The following AKAP19 variants were observed in gnomAD, a reference collection of about 807,000 sequenced individuals.
AKAP19 encodes small A-kinase anchoring protein.
chr2:189,979,451 T>C, the AKAP19 span, among the ~76,000 whole-genome samples: 1 of 152,132 alleles, frequency 6.6e-6, no homozygotes, highest in Non-Finnish European at 1.5e-5. Flanking sequence ...AAAACTTAAA[T>C]ATAAGACCTC....
the AKAP19 span, among the ~76,000 whole-genome samples, chr2:189,933,392 T>C: frequency 1.3e-5 from 2 of 151,964 alleles, no homozygotes; most frequent in African/African-American, 4.8e-5. Context: ...AAATGAATAA[T>C]ACCCAAGGAA....
At chr2:189,977,342 T>G in the AKAP19 span, among the ~76,000 whole-genome samples, 2 of 152,232 alleles carry the variant, frequency 1.3e-5, no homozygotes, top group African/African-American at 4.8e-5. Flanking sequence ...TTACTTTTTT[T>G]CTTTTTCATC....
the AKAP19 span, among the ~76,000 whole-genome samples, chr2:190,107,330 T>C: frequency 6.6e-6 from 1 of 152,120 alleles, no homozygotes; most frequent in Non-Finnish European, 1.5e-5. Flanking sequence ...AGATAATAAA[T>C]TTAAAAAGAA....
chr2:189,944,118 G>A, the AKAP19 span, among the ~76,000 whole-genome samples: 2 of 152,180 alleles, frequency 1.3e-5, no homozygotes, highest in African/African-American at 2.4e-5. Flanking sequence ...AGATTTGGGA[G>A]AGGCCGGGGC....
At chr2:189,959,464 A>G in the AKAP19 span, among the ~76,000 whole-genome samples, 3 of 152,120 alleles carry the variant, frequency 2.0e-5, no homozygotes, top group African/African-American at 7.2e-5. Context: ...TTTCAGAATT[A>G]TAGTGGTATT....
At chr2:189,912,247 T>C in the AKAP19 span, among the ~76,000 whole-genome samples, 1 of 152,128 alleles carries the variant, frequency 6.6e-6, no homozygotes, top group African/African-American at 2.4e-5. Flanking sequence ...AATATTAATA[T>C]AGCCTGGATA....
At chr2:190,060,793 T>C in the AKAP19 span, among the ~76,000 whole-genome samples, 8 of 152,044 alleles carry the variant, frequency 5.3e-5, no homozygotes, top group African/African-American at 1.9e-4. Flanking sequence ...CTTAGAATTC[T>C]TTGGGAATCT....
the AKAP19 span, among the ~76,000 whole-genome samples, chr2:190,149,900 G>A: frequency 1.3e-5 from 2 of 152,168 alleles, no homozygotes; most frequent in Non-Finnish European, 2.9e-5. Flanking sequence ...GGCTGGTCTA[G>A]TGCTGTCAGT....
the AKAP19 span, among the ~76,000 whole-genome samples, chr2:190,038,937 CTT>C: frequency 1.6e-3 from 220 of 141,900 alleles, 1 homozygote; most frequent in African/African-American, 5.8e-3. Context: ...TCTTCTTCTT[CTT>C]CTTCTTCTTC....
the AKAP19 span, among the ~76,000 whole-genome samples, chr2:190,010,226 C>G: frequency 6.6e-6 from 1 of 152,142 alleles, no homozygotes; most frequent in Admixed American, 6.6e-5. Flanking sequence ...TACTTTAGAT[C>G]AGAGCACGAA....
At chr2:189,895,707 T>G in the AKAP19 span, among the ~76,000 whole-genome samples, 1 of 152,044 alleles carries the variant, frequency 6.6e-6, no homozygotes, top group Admixed American at 6.6e-5. Context: ...AGGCTAAAGG[T>G]TTTCAACATT....
chr2:189,998,877 A>G, the AKAP19 span, among the ~76,000 whole-genome samples: 1 of 147,650 alleles, frequency 6.8e-6, no homozygotes, highest in South Asian at 2.1e-4. Context: ...AGTTCAAGCA[A>G]TTTTCCTGCC....
the AKAP19 span, among the ~76,000 whole-genome samples, chr2:190,010,199 A>G: frequency 2.0e-5 from 3 of 152,230 alleles, no homozygotes; most frequent in Admixed American, 6.5e-5. Flanking sequence ...AGGATCTACT[A>G]CACAAGTGGA....
the AKAP19 span, among the ~76,000 whole-genome samples, chr2:190,113,093 T>C: frequency 6.6e-6 from 1 of 152,162 alleles, no homozygotes; most frequent in Non-Finnish European, 1.5e-5. Context: ...AACTTAAAAT[T>C]CAGGGTATTC....
At chr2:189,882,457 T>A in the AKAP19 span, among the ~76,000 whole-genome samples, 18 of 152,122 alleles carry the variant, frequency 1.2e-4, no homozygotes, top group African/African-American at 4.3e-4. Flanking sequence ...ATGCGTAAGA[T>A]GTATATTGGT....
chr2:190,035,259 C>T, the AKAP19 span, among the ~76,000 whole-genome samples: 2 of 151,898 alleles, frequency 1.3e-5, no homozygotes, highest in African/African-American at 2.4e-5. Flanking sequence ...AGTGAAACCC[C>T]ATCTCTACTA....
chr2:190,097,206 C>T, the AKAP19 span, among the ~76,000 whole-genome samples: 1 of 152,160 alleles, frequency 6.6e-6, no homozygotes, highest in Non-Finnish European at 1.5e-5. Context: ...AGTTATTCTT[C>T]CTGAGGCTCT....
chr2:189,992,988 C>G, the AKAP19 span, among the ~76,000 whole-genome samples: 1 of 152,138 alleles, frequency 6.6e-6, no homozygotes, highest in East Asian at 1.9e-4. Flanking sequence ...TTCTTCTTTA[C>G]CAATTTGAAT....
the AKAP19 span, among the ~76,000 whole-genome samples, chr2:190,128,364 T>A: frequency 6.6e-6 from 1 of 151,932 alleles, no homozygotes; most frequent in African/African-American, 2.4e-5. Context: ...TAACCAAGAG[T>A]GTTTAGAGCT....
Sources: gnomAD v4.1 joint callset for allele counts (sites outside exome capture counted in the v4.1 genomes callset) on GRCh38, gnomAD v4.1.1 for gene constraint, MANE v1.5 for transcripts, NCBI Gene and HGNC (gene_info 2026-07-23, HGNC 2026-07-21) for gene names.